The following COG5 variants were observed in gnomAD, a reference collection of about 807,000 sequenced individuals.
The protein encoded by COG5 is conserved oligomeric Golgi complex subunit 5.
Under a neutral mutation model 110.4 loss-of-function variants are expected in COG5, and 86 were observed. The observed-to-expected ratio is 0.78, with a 90% confidence interval of 0.65 to 0.93. COG5 has a LOEUF of 0.93. Among genes scored for constraint, COG5 ranks in the 40% least tolerant of loss-of-function variants. COG5 has a pLI of 0.00. For missense variants in COG5, 1,077 were observed against 987.0 expected, an observed-to-expected ratio of 1.09 and a Z score of -1.22; for synonymous variants, 360 against 334.6, an observed-to-expected ratio of 1.08 and a Z score of -0.83.
chr7:107,494,130 C>G (rs1255031727), intron 6 of COG5, among the ~76,000 whole-genome samples: 2 of 152,018 alleles, frequency 1.3e-5, no homozygotes, highest in Admixed American at 1.3e-4. Flanking sequence ...AATATTACCT[C>G]CAATTTCAAA....
intron 10 of COG5, among the ~76,000 whole-genome samples, chr7:107,342,192 C>A (rs1006577967): frequency 6.6e-6 from 1 of 151,872 alleles, no homozygotes; most frequent in Non-Finnish European, 1.5e-5. Flanking sequence ...CAAATAATCT[C>A]ATTAAAAAGT....
intron 5 of COG5, among the ~76,000 whole-genome samples, chr7:107,546,007 G>A (rs1370475625): frequency 6.6e-6 from 1 of 151,972 alleles, no homozygotes; most frequent in Non-Finnish European, 1.5e-5. Context: ...AGAAGACTGA[G>A]ATCATATCAA....
intron 6 of COG5, among the ~76,000 whole-genome samples, chr7:107,521,407 C>T (rs1800310747): frequency 1.3e-5 from 2 of 152,170 alleles, no homozygotes; most frequent in Non-Finnish European, 2.9e-5. Flanking sequence ...TGACAAATGT[C>T]TAATATCCAG....
chr7:107,260,964 T>G (rs1803291860), intron 14 of COG5, among the ~76,000 whole-genome samples: 3 of 136,136 alleles, frequency 2.2e-5, no homozygotes, highest in African/African-American at 8.4e-5. Flanking sequence ...TTTGTTTTTG[T>G]TTTTTTTTTA....
At chr7:107,507,612 A>G (rs898600331) in intron 6 of COG5, among the ~76,000 whole-genome samples, 49 of 151,906 alleles carry the variant, frequency 3.2e-4, no homozygotes, top group African/African-American at 1.2e-3. Context: ...GGCCGAAATA[A>G]AACTTTCTAA....
At chr7:107,243,042 A>G (rs938742770) in intron 17 of COG5, among the ~76,000 whole-genome samples, 2 of 152,226 alleles carry the variant, frequency 1.3e-5, no homozygotes, top group Admixed American at 6.5e-5. Flanking sequence ...AAAAAAGCAG[A>G]GGTTGCAGTC....
chr7:107,346,703 CT>C (rs987467874), intron 10 of COG5, among the ~76,000 whole-genome samples: 7 of 151,062 alleles, frequency 4.6e-5, no homozygotes, highest in South Asian at 4.2e-4. Flanking sequence ...TATTTTTTTT[CT>C]TTTTTTTTAT....
intron 1 of COG5, among the ~76,000 whole-genome samples, chr7:107,563,105 T>C (rs1804031693): frequency 6.6e-6 from 1 of 152,208 alleles, no homozygotes; most frequent in Non-Finnish European, 1.5e-5. Context: ...CGGGACATGG[T>C]AACTGGATTG....
rs753751807 is a variant in COG5, at chr7:107,318,325, C to T, written c.1108+6115G>A. Among the ~76,000 whole-genome samples the T allele has an allele frequency of 1.6e-4, 24 of 152,110 alleles. No individual in the cohort carries two copies. The East Asian group carries it at 1.7e-3, about 11-fold the overall frequency. ...ACAGGCATGAGCCATAGCACCTGGCCGCCAATGGCTTTTTTCTTTGTAGAT... is the reference window on the plus strand; with the variant it reads ...ACAGGCATGAGCCATAGCACCTGGCTGCCAATGGCTTTTTTCTTTGTAGAT... On this transcript the variant is annotated intron_variant, in intron 11 of 21. Coordinates refer to ENST00000297135, the MANE Select transcript of COG5 (RefSeq NM_006348.5).
At chr7:107,514,588 GTA>G (rs1799786387) in intron 6 of COG5, among the ~76,000 whole-genome samples, 3 of 152,150 alleles carry the variant, frequency 2.0e-5, no homozygotes, top group Middle Eastern at 3.2e-3. Context: ...TAAGAAAAGA[GTA>G]TAGCATTGGT....
chr7:107,288,013 T>C (rs1040331444), intron 12 of COG5, among the ~76,000 whole-genome samples: 1 of 152,172 alleles, frequency 6.6e-6, no homozygotes, highest in Admixed American at 6.5e-5. Flanking sequence ...TATGTTTTTA[T>C]TTCCCTTGGG....
chr7:107,206,154 G>C (rs1798768636), intron 21 of COG5, among the ~76,000 whole-genome samples: 1 of 152,052 alleles, frequency 6.6e-6, no homozygotes, highest in African/African-American at 2.4e-5. Flanking sequence ...GTAGAGACGG[G>C]GTTTCACCGT....
At chr7:107,530,158 T>C (rs1319932910) in intron 5 of COG5, among the ~76,000 whole-genome samples, 1 of 152,206 alleles carries the variant, frequency 6.6e-6, no homozygotes, top group Non-Finnish European at 1.5e-5. Flanking sequence ...ACTATCCTAC[T>C]GCATAAAACA....
chr7:107,381,944 G>T (rs1366288110), intron 7 of COG5, among the ~76,000 whole-genome samples: 1 of 152,180 alleles, frequency 6.6e-6, no homozygotes, highest in East Asian at 1.9e-4. Flanking sequence ...GAAACTATCT[G>T]TGAGTATTCT....
intron 17 of COG5, among the ~76,000 whole-genome samples, chr7:107,241,642 C>T (rs1449957895): frequency 6.6e-6 from 1 of 151,814 alleles, no homozygotes; most frequent in Non-Finnish European, 1.5e-5. Flanking sequence ...TTAGTAGAGA[C>T]GGGGTTTCAC....
chr7:107,429,235 T>C (rs1042042469), intron 6 of COG5, among the ~76,000 whole-genome samples: 4 of 152,184 alleles, frequency 2.6e-5, no homozygotes, highest in Non-Finnish European at 4.4e-5. Flanking sequence ...AAATAAAATA[T>C]CATCTTGGAA....
intron 19 of COG5, among the ~76,000 whole-genome samples, chr7:107,228,846 C>T (rs910871661): frequency 1.3e-5 from 2 of 151,094 alleles, no homozygotes; most frequent in African/African-American, 4.9e-5. Context: ...TCTCAATCAA[C>T]AATATTGGAT....
intron 6 of COG5, among the ~76,000 whole-genome samples, chr7:107,492,215 G>C (rs1798017601): frequency 7.3e-6 from 1 of 137,002 alleles, no homozygotes; most frequent in African/African-American, 2.8e-5. Context: ...AGTTTATTTT[G>C]CTTTGTTTTA....
intron 17 of COG5, among the ~76,000 whole-genome samples, chr7:107,247,833 A>G (rs1222846483): frequency 6.6e-6 from 1 of 152,206 alleles, no homozygotes; most frequent in Non-Finnish European, 1.5e-5. Flanking sequence ...GTTTGTGGCT[A>G]GGTGTGATGT....
Sources: gnomAD v4.1 joint callset for allele counts (sites outside exome capture counted in the v4.1 genomes callset) on GRCh38, gnomAD v4.1.1 for gene constraint, MANE v1.5 for transcripts, NCBI Gene and HGNC (gene_info 2026-07-23, HGNC 2026-07-21) for gene names.